CCDC88A: variants seen among roughly 807,000 people sequenced by gnomAD.
The protein encoded by CCDC88A is girdin.
Under a neutral mutation model 234.3 loss-of-function variants are expected in CCDC88A, and 54 were observed. The ratio of observed to expected loss-of-function variants is 0.23; its 90% confidence interval spans 0.19 to 0.29. The LOEUF (loss-of-function observed/expected upper bound fraction) is 0.29, where lower values mean the gene tolerates loss of function less well. CCDC88A is among the 10% of genes least tolerant of loss of function. CCDC88A has a pLI of 1.00. For synonymous variants in CCDC88A, 753 were observed against 737.8 expected, an observed-to-expected ratio of 1.02 and a Z score of -0.33; for missense variants, 1,832 against 2,123.4, an observed-to-expected ratio of 0.86 and a Z score of 2.70.
At chr2:55,354,717 C>G (rs1042146246) in intron 8 of CCDC88A, among the ~76,000 whole-genome samples, 1 of 151,408 alleles carries the variant, frequency 6.6e-6, no homozygotes, top group Non-Finnish European at 1.5e-5. Flanking sequence ...GCGCACCCCA[C>G]CATGCCCGGA....
intron 15 of CCDC88A, among the ~76,000 whole-genome samples, chr2:55,333,034 A>G (rs902007688): frequency 9.9e-5 from 15 of 152,198 alleles, no homozygotes; most frequent in Non-Finnish European, 1.5e-5. Flanking sequence ...TTATAAATAT[A>G]TGTTGACTAT....
chr2:55,416,849 TTTA>T (rs1681580155), intron 2 of CCDC88A: 1 of 152,122 alleles, frequency 6.6e-6, no homozygotes, highest in South Asian at 2.1e-4. Context: ...AGTTAAATAA[TTTA>T]TTAAGATAAA....
intron 10 of CCDC88A, 82 bp downstream of exon 10, chr2:55,346,093 T>C: frequency 2.1e-6 from 2 of 932,588 alleles, no homozygotes; most frequent in South Asian, 4.0e-5. Context: ...CAAGAGTTTC[T>C]CATGTTTATT....
At position 55,385,931 on chromosome 2, in the gene CCDC88A, G is replaced by T. The variant is rs146284288; in HGVS notation, c.273+2847C>A. Among the ~76,000 whole-genome samples the T allele has an allele frequency of 5.2e-3, 690 of 132,618 alleles. 6 individuals carry two copies. Among genetic ancestry groups the T allele is most frequent in the African/African-American group, 0.019 (648 of 34,816 alleles). 87.0% of individuals were successfully genotyped at this position (132,618 alleles called of 152,430 possible). On this transcript the variant is annotated intron_variant, in intron 3 of 32. Coordinates refer to ENST00000436346, the MANE Select transcript of CCDC88A (RefSeq NM_001365480.1). ...AGAGCTAACTTCTCCAGAGCAAAAA[G>T]AATCCAGAGAGGCCAGGCATGGTGG...
intron 23 of CCDC88A, among the ~76,000 whole-genome samples, chr2:55,311,663 C>T (rs1682365922): frequency 6.6e-6 from 1 of 152,134 alleles, no homozygotes; most frequent in Admixed American, 6.5e-5. Flanking sequence ...TACTGTGATG[C>T]TTCTCATTTG....
intron 8 of CCDC88A, among the ~76,000 whole-genome samples, chr2:55,351,980 T>C (rs1669945343): frequency 6.6e-6 from 1 of 152,206 alleles, no homozygotes; most frequent in Non-Finnish European, 1.5e-5. Context: ...AAAAGGCACG[T>C]ATTGTATGAT....
At chr2:55,346,657 T>C (rs901960757) in intron 9 of CCDC88A, among the ~76,000 whole-genome samples, 1 of 152,128 alleles carries the variant, frequency 6.6e-6, no homozygotes, top group East Asian at 1.9e-4. Flanking sequence ...TGACCTCAGG[T>C]GATCCACCTG....
chr2:55,321,193 C>T (rs561264918), intron 18 of CCDC88A: 19 of 151,614 alleles, frequency 1.3e-4, no homozygotes, highest in African/African-American at 3.9e-4. Flanking sequence ...CACACACACA[C>T]GTATATATCC....
intron 2 of CCDC88A, among the ~76,000 whole-genome samples, chr2:55,393,736 T>C (rs1346758605): frequency 1.3e-5 from 2 of 152,210 alleles, no homozygotes; most frequent in East Asian, 1.9e-4. Flanking sequence ...CTTTTCAATC[T>C]TGCATTACAT....
chr2:55,325,483 AT>A (rs1245424272), intron 17 of CCDC88A, among the ~76,000 whole-genome samples: 1 of 152,166 alleles, frequency 6.6e-6, no homozygotes, highest in Admixed American at 6.5e-5. Flanking sequence ...GAAGAAAGAC[AT>A]TTTTACTTCT....
intron 2 of CCDC88A, among the ~76,000 whole-genome samples, chr2:55,393,833 A>C (rs1677093930): frequency 6.6e-6 from 1 of 152,224 alleles, no homozygotes; most frequent in Non-Finnish European, 1.5e-5. Context: ...AACTGCATTT[A>C]ATGTTTCACC....
At chr2:55,417,738 T>A (rs1022402306) in intron 2 of CCDC88A, 8 of 152,048 alleles carry the variant, frequency 5.3e-5, no homozygotes, top group Non-Finnish European at 4.4e-5. Flanking sequence ...AGCAATTTTT[T>A]ATAGATGTGA....
chr2:55,345,683 C>T (rs1669028452), intron 10 of CCDC88A: 2 of 152,698 alleles, frequency 1.3e-5, no homozygotes, highest in Non-Finnish European at 2.9e-5. Flanking sequence ...AGAAGTGAGC[C>T]ACTGTGCCCA....
intron 2 of CCDC88A, among the ~76,000 whole-genome samples, chr2:55,407,971 G>A (rs898707218): frequency 6.6e-6 from 1 of 151,596 alleles, no homozygotes; most frequent in African/African-American, 2.4e-5. Flanking sequence ...ACCTGCCTCG[G>A]CCTCCCAAAG....
At chr2:55,365,458 G>T (rs1671821063) in intron 5 of CCDC88A, among the ~76,000 whole-genome samples, 1 of 152,100 alleles carries the variant, frequency 6.6e-6, no homozygotes, top group South Asian at 2.1e-4. Flanking sequence ...TAATGACTAT[G>T]ACTCACCAAA....
chr2:55,297,364 T>TATTATATATA lies in CCDC88A; in HGVS notation c.4826-842_4826-841insTATATATAAT, dbSNP rs1302807058. Among the ~76,000 whole-genome samples the TATTATATATA allele has an allele frequency of 8.0e-5, 8 of 100,360 alleles. 2 individuals carry two copies. The highest frequency in any genetic ancestry group is 4.3e-4 in the African/African-American group (8 of 18,548). The allele number at this position is 100,360 out of a possible 152,430, so 65.8% of individuals were successfully genotyped here. On this transcript the variant is annotated intron_variant, in intron 29 of 32. Transcript: ENST00000436346. ...TTTATATATTATATATAAATATATATAATATATATTATATATAAATATATA... is the reference window on the plus strand; with the variant it reads ...TTTATATATTATATATAAATATATATATTATATATAAATATATATTATATATAAATATATA...
intron 5 of CCDC88A, among the ~76,000 whole-genome samples, chr2:55,368,474 T>C (rs969633662): frequency 3.3e-5 from 5 of 151,890 alleles, no homozygotes; most frequent in African/African-American, 1.2e-4. Context: ...TCTCTCTTTC[T>C]CCCTCTTTAA....
At position 55,419,020 on chromosome 2, in the gene CCDC88A, A is replaced by G. The variant is rs1320692439; in HGVS notation, c.60T>C (p.Thr20=). The change falls in exon 1 of 33, where the codon ACT becomes ACC. Residue 20 remains threonine, a synonymous_variant. Transcript: ENST00000436346. ...LEQFMTSPLV[T]WVKTFGPLAA... is the part of the protein sequence containing the mutation. ...CAATAAAGGACACCCCACTTACCCAAGTGACCAAAGGGCTGGTCATGAACT... is the reference window on the plus strand; with the variant it reads ...CAATAAAGGACACCCCACTTACCCAGGTGACCAAAGGGCTGGTCATGAACT... The G allele has an allele frequency of 1.4e-5, 22 of 1,612,258 alleles. No individual in the cohort carries two copies. The highest frequency in any genetic ancestry group is 1.7e-5 in the Non-Finnish European group (20 of 1,178,404).
intron 12 of CCDC88A, among the ~76,000 whole-genome samples, chr2:55,341,187 C>T (rs1391490223): frequency 6.9e-6 from 1 of 145,672 alleles, no homozygotes; most frequent in Admixed American, 6.9e-5. Flanking sequence ...GCTCTGTCAC[C>T]CAGGCTGGAG....
Sources: gnomAD v4.1 joint callset for allele counts (sites outside exome capture counted in the v4.1 genomes callset) on GRCh38, gnomAD v4.1.1 for gene constraint, MANE v1.5 for transcripts, NCBI Gene and HGNC (gene_info 2026-07-23, HGNC 2026-07-21) for gene names.